UGT1A5: variants seen among roughly 807,000 people sequenced by gnomAD.
UGT1A5 encodes the protein UDP glucuronosyltransferase family 1 member A5, also known as UDP-glucuronosyltransferase 1A5.
Under a neutral mutation model 40.3 loss-of-function variants are expected in UGT1A5, and 29 were observed. The observed-to-expected ratio is 0.72, with a 90% CI of 0.54 to 0.98. UGT1A5 has a LOEUF of 0.98. UGT1A5 is among the 50% of genes least tolerant of loss of function. UGT1A5 has a pLI of 0.00. For synonymous variants in UGT1A5, 257 were observed against 262.5 expected (o/e 0.98, Z 0.20); for missense variants, 678 against 677.9 (o/e 1.00, Z 0.00).
intron 1 of UGT1A5, chr2:233,750,715 C>G (rs1487132434): frequency 6.6e-6 from 1 of 151,920 alleles, no homozygotes; most frequent in Non-Finnish European, 1.5e-5. Context: ...AGAGCTCAGG[C>G]CATTGCTTCA....
chr2:233,750,414 G>GC (rs765395041), intron 1 of UGT1A5, among the ~76,000 whole-genome samples: 4 of 151,922 alleles, frequency 2.6e-5, no homozygotes, highest in Non-Finnish European at 5.9e-5. Flanking sequence ...CCATGTGGTA[G>GC]AAAAGAAAAA....
intron 1 of UGT1A5, chr2:233,760,772 A>C: frequency 6.2e-7 from 1 of 1,613,930 alleles, no homozygotes; most frequent in Non-Finnish European, 8.5e-7. Flanking sequence ...ATCGTGGCCC[A>C]GTACCTGTCT....
chr2:233,761,878 A>G (rs1435325744), intron 1 of UGT1A5, among the ~76,000 whole-genome samples: 1 of 152,196 alleles, frequency 6.6e-6, no homozygotes, highest in African/African-American at 2.4e-5. Flanking sequence ...GAGAGCGTTC[A>G]TTCACTTATC....
At chr2:233,745,616 T>G (rs1169913759) in intron 1 of UGT1A5, among the ~76,000 whole-genome samples, 1 of 151,452 alleles carries the variant, frequency 6.6e-6, no homozygotes, top group African/African-American at 2.4e-5. Context: ...AAGCACACAA[T>G]GAACAGTCAT....
At position 233,760,222 on chromosome 2, in the gene UGT1A5, T is replaced by G. The variant is rs1346369593; in HGVS notation, c.868-6812T>G. On this transcript the variant is annotated intron_variant, in intron 1 of 4. Coordinates refer to ENST00000373414, the MANE Select transcript of UGT1A5 (RefSeq NM_019078.2). The stretch of plus-strand genomic sequence containing the variant: ...GTCAAACATTAACTTGGTGTATCGA[T>G]TGGTTTTTGCCATATATATATATAT... The G allele has an allele frequency of 2.5e-6, 4 of 1,591,036 alleles. No individual in the cohort carries two copies. The South Asian group carries it at 3.4e-5, about 13-fold the overall frequency.
At chr2:233,758,938 C>A (rs1697023841) in intron 1 of UGT1A5, among the ~76,000 whole-genome samples, 1 of 152,234 alleles carries the variant, frequency 6.6e-6, no homozygotes, top group Non-Finnish European at 1.5e-5. Flanking sequence ...GACTTCAAAT[C>A]AGTCATCAGA....
At chr2:233,714,116 G>A (rs869462) in intron 1 of UGT1A5, among the ~76,000 whole-genome samples, 2 of 152,116 alleles carry the variant, frequency 1.3e-5, no homozygotes, top group African/African-American at 2.4e-5. Flanking sequence ...TGTGACTCAC[G>A]GAGACTGTTC....
At position 233,764,014 on chromosome 2, in the gene UGT1A5, A is replaced by G. The variant is rs28900399; in HGVS notation, c.868-3020A>G. On this transcript the variant is annotated intron_variant, in intron 1 of 4. Transcript: ENST00000373414. ...GATGGTGAAGTCACAGATGACCCACATGGTGTCTAAGTGCTAAAGAAGAAT... is the reference window on the plus strand; with the variant it reads ...GATGGTGAAGTCACAGATGACCCACGTGGTGTCTAAGTGCTAAAGAAGAAT... Among the ~76,000 whole-genome samples the G allele has an allele frequency of 9.6e-3, 1,456 of 152,328 alleles. 29 individuals are homozygous for G. The highest frequency in any genetic ancestry group is 0.033 in the African/African-American group (1,365 of 41,562).
chr2:233,739,475 GA>G (rs1691117772), intron 1 of UGT1A5, among the ~76,000 whole-genome samples: 1 of 152,238 alleles, frequency 6.6e-6, no homozygotes, highest in African/African-American at 2.4e-5. Flanking sequence ...GAGACCGTGG[GA>G]GCCCATTTCT....
chr2:233,740,214 A>G (rs2018985), intron 1 of UGT1A5, among the ~76,000 whole-genome samples: 70,303 of 151,600 alleles, frequency 0.46, 18,208 homozygotes, highest in African/African-American at 0.69. Flanking sequence ...ACCCAGTCTC[A>G]GCTGCGTCTT....
intron 1 of UGT1A5, chr2:233,729,497 A>G (rs1450342762): frequency 6.8e-6 from 11 of 1,614,114 alleles, no homozygotes; most frequent in Non-Finnish European, 8.5e-6. Flanking sequence ...TCTTTGGTCT[A>G]TCATAGGTCT....
chr2:233,768,262 A>G lies in UGT1A5; in HGVS notation c.1130A>G (p.His377Arg), dbSNP rs1349037761. The change falls in exon 4 of 5, where the codon CAT becomes CGT. Residue 377 changes from histidine to arginine, a missense_variant. Physicochemically the swap from His to Arg is conservative, Grantham distance 29. Coordinates refer to ENST00000373414, the MANE Select transcript of UGT1A5 (RefSeq NM_019078.2). ...GCCTTTATCACCCATGCTGGTTCCC[A>G]TGGTGTTTATGAAAGCATATGCAAT... Reference protein sequence around the residue: ...TRAFITHAGSHGVYESICNGV... With the variant: ...TRAFITHAGSRGVYESICNGV... 1 of 1,614,138 alleles carries G rather than the reference A, an allele frequency of 6.2e-7. No individual in the cohort carries two copies. Among genetic ancestry groups the G allele is most frequent in the Non-Finnish European group, 8.5e-7 (1 of 1,180,018 alleles).
In UGT1A5 at chr2:233,769,823, C is replaced by A. The variant is rs1252116472; in HGVS notation, c.1307+1384C>A. The A allele has an allele frequency of 4.0e-5, 32 of 804,912 alleles. No homozygotes were observed. Among genetic ancestry groups the A allele is most frequent in the Non-Finnish European group, 5.3e-5 (30 of 565,272 alleles). 49.9% of individuals were successfully genotyped at this position (804,912 alleles called of 1,614,324 possible). A position where few individuals can be genotyped will look rare whatever the true frequency, so the allele number is the denominator to read the frequency against. On this transcript the variant is annotated intron_variant, in intron 4 of 4. Transcript: ENST00000373414. The surrounding 1 kb of genome is among the most constrained non-coding windows in gnomAD (Gnocchi z 4.4). ...TGAGCCGTGATCATGCCACTGCACT[C>A]CAGCAACCTGGGCAACAGAGTGAGA...
chr2:233,749,380 T>C (rs1225630422), intron 1 of UGT1A5, among the ~76,000 whole-genome samples: 2 of 151,870 alleles, frequency 1.3e-5, no homozygotes, highest in African/African-American at 4.9e-5. Context: ...TTCTTCCAGT[T>C]TTTCAATGTG....
chr2:233,726,690 G>A (rs766630788), intron 1 of UGT1A5, among the ~76,000 whole-genome samples: 3 of 152,094 alleles, frequency 2.0e-5, no homozygotes, highest in Admixed American at 6.5e-5. Context: ...CACCTGTAAC[G>A]GAACATATTC....
Position 233,767,861 on chromosome 2 carries a change from T to C in UGT1A5, c.1012T>C (p.Tyr338His). The C allele has an allele frequency of 1.9e-6, 3 of 1,614,194 alleles. No homozygotes were observed. In the South Asian group the frequency reaches 3.3e-5, roughly 18 times the overall value. ...TTGCCCCTCCCAGGTCCTGTGGCGG[T>C]ACACTGGAACCCGACCATCGAATCT... is the stretch of plus-strand genomic sequence containing the variant. ...GKIPQTVLWR[Y>H]TGTRPSNLAN... The change falls in exon 3 of 5, where the codon TAC becomes CAC. Residue 338 changes from tyrosine to histidine, a missense_variant. Transcript: ENST00000373414.
chr2:233,760,873 C>G, intron 1 of UGT1A5: 1 of 1,614,194 alleles, frequency 6.2e-7, no homozygotes, highest in South Asian at 1.1e-5. Context: ...CGTGCCCAGG[C>G]CTCTCTCCTC....
intron 1 of UGT1A5, 61 bp from the exon 2 acceptor site, chr2:233,766,972 CT>C: frequency 6.2e-7 from 1 of 1,611,258 alleles, no homozygotes; most frequent in Non-Finnish European, 8.5e-7. Context: ...TCATAACTTA[CT>C]GTATGTAGTC....
At chr2:233,731,284 C>CTTTTTTTTTTT (rs78127606) in intron 1 of UGT1A5, among the ~76,000 whole-genome samples, 1 of 139,762 alleles carries the variant, frequency 7.2e-6, no homozygotes. Flanking sequence ...GTTTTTCTTT[C>CTTTTTTTTTTT]TTTTTTTTTT....
Sources: allele counts gnomAD v4.1 joint callset (sites outside exome capture counted in the v4.1 genomes callset), GRCh38; gene constraint gnomAD v4.1.1; non-coding constraint Gnocchi (gnomAD v3.1); transcripts MANE v1.5; gene names NCBI Gene and HGNC (gene_info 2026-07-23, HGNC 2026-07-21).